Variants in COPG1 observed in about 807,000 individuals in gnomAD.
COPG1 encodes the protein coatomer subunit gamma-1.
In COPG1, 29 loss-of-function variants were observed where a neutral mutation model predicts 102.8. That is an observed-to-expected ratio of 0.28 (90% CI 0.21 to 0.38). The LOEUF is 0.38. Ranked by LOEUF, COPG1 falls within the 10% of genes least tolerant of loss-of-function variation. The probability of loss-of-function intolerance (pLI) is 1.00; values close to 1 mark genes in which losing one functional copy is unlikely to be tolerated. For missense variants in COPG1, 875 were observed against 1,132.7 expected (o/e 0.77, Z 3.27); for synonymous variants, 406 against 421.6 (o/e 0.96, Z 0.45).
rs1186036219 is a variant in COPG1 at position 129,256,130 on chromosome 3, A to G, written c.555A>G (p.Ala185=). 4 of 1,613,754 alleles carry G rather than the reference A, an allele frequency of 2.5e-6. No homozygotes were observed. In the Admixed American group the frequency reaches 6.7e-5, roughly 27 times the overall value. Residue 185 remains alanine (A), a synonymous_variant, in exon 8 of 24, where the codon GCA becomes GCG. Coordinates refer to ENST00000314797, the MANE Select transcript of COPG1 (RefSeq NM_016128.4). Reference sequence around the variant, plus strand: ...GGGTGAATGAGGCTCAGGAGGCAGCATCCAGTGATAACATCATGGTCCAGG... The same window carrying G: ...GGGTGAATGAGGCTCAGGAGGCAGCGTCCAGTGATAACATCATGGTCCAGG... The part of the protein sequence containing the change: ...KRWVNEAQEA[A]SSDNIMVQYH...
chr3:129,271,726 G>T lies in COPG1; in HGVS notation c.1844-41G>T, dbSNP rs1444644925. On this transcript the variant is annotated intron_variant, in intron 18 of 23. Transcript: ENST00000314797. This position sits in a 1 kb window ranked among gnomAD's most constrained non-coding sequence, Gnocchi z 4.7. ...TTAGAAACCATCAACAAGTTGGTCTGGGGATCGAGAAGCTGAGTGAATGTG... is the reference window on the plus strand; with the variant it reads ...TTAGAAACCATCAACAAGTTGGTCTTGGGATCGAGAAGCTGAGTGAATGTG... The T allele has an allele frequency of 6.2e-7, 1 of 1,609,396 alleles. No homozygotes were observed. The highest frequency in any genetic ancestry group is 1.3e-5 in the African/African-American group (1 of 74,852).
intron 2 of COPG1, 113 bp downstream of exon 2, chr3:129,250,847 GTGCCT>G: frequency 1.1e-5 from 9 of 832,742 alleles, no homozygotes; most frequent in Middle Eastern, 2.4e-4. Context: ...GAGAAAACTT[GTGCCT>G]GGAAGTTTTC....
intron 12 of COPG1, 66 bp downstream of exon 12, chr3:129,260,873 CCA>C: frequency 6.6e-7 from 1 of 1,519,176 alleles, no homozygotes; most frequent in Non-Finnish European, 9.0e-7. Flanking sequence ...CTCTCTGTGG[CCA>C]CAGCCTTCCT....
At chr3:129,256,240 G>A (rs1339589264) in intron 8 of COPG1, 86 bp downstream of exon 8, 1 of 1,100,190 alleles carries the variant, frequency 9.1e-7, no homozygotes, top group Non-Finnish European at 1.4e-6. Context: ...TTGCCACCGA[G>A]ATCCTTGTGA....
chr3:129,264,569 C>T (rs572956205), intron 13 of COPG1, among the ~76,000 whole-genome samples: 7 of 152,248 alleles, frequency 4.6e-5, no homozygotes, highest in African/African-American at 1.4e-4. Flanking sequence ...AGTGTCTTTG[C>T]GTTTCCCAAG....
intron 12 of COPG1, 27 bp downstream of exon 12, chr3:129,260,834 G>A (rs755403219): frequency 1.4e-5 from 22 of 1,606,162 alleles, no homozygotes; most frequent in South Asian, 1.1e-4. Flanking sequence ...GGACACCCAC[G>A]GCCCCCAGAG....
Position 129,271,795 on chromosome 3 carries a change from C to G in COPG1, c.1872C>G (p.Arg624=). The change falls in exon 19 of 24, where the codon CGC becomes CGG. Residue 624 remains arginine (R), a synonymous_variant. Coordinates refer to ENST00000314797, the MANE Select transcript of COPG1 (RefSeq NM_016128.4). The surrounding 1 kb of genome is among the most constrained non-coding windows in gnomAD (Gnocchi z 4.7). Reference sequence around the variant, plus strand: ...AGTTGGCAGCAGTGCCAGAGTTCCGCGGTCTTGGGCCCCTCTTCAAGTCCT... The same window carrying G: ...AGTTGGCAGCAGTGCCAGAGTTCCGGGGTCTTGGGCCCCTCTTCAAGTCCT... ...QEQLAAVPEF[R]GLGPLFKSSP... is the part of the protein sequence containing the mutation. 6.2e-7 allele frequency: 1 copy of G among 1,614,216 alleles called. No individual in the cohort carries two copies. Among genetic ancestry groups the G allele is most frequent in the South Asian group, 1.1e-5 (1 of 91,088 alleles).
rs1165143363 is a variant in COPG1 at position 129,256,151 on chromosome 3, C to G, written c.576C>G (p.Val192=). The change falls in exon 8 of 24, where the codon GTC becomes GTG. Residue 192 remains valine, a synonymous_variant. Coordinates refer to ENST00000314797, the MANE Select transcript of COPG1 (RefSeq NM_016128.4). ...CAGCATCCAGTGATAACATCATGGT[C>G]CAGGTGAGATGTGAGCAAGGGAGTG... ...QEAASSDNIM[V]QYHALGLLYH... 3 of 1,613,230 alleles carry G rather than the reference C, an allele frequency of 1.9e-6. No individual in the cohort carries two copies. The highest frequency in any genetic ancestry group is 2.5e-6 in the Non-Finnish European group (3 of 1,179,388).
chr3:129,255,297 G>C lies in COPG1; in HGVS notation c.492+220G>C, dbSNP rs149603700. 8.2e-3 allele frequency among the ~76,000 whole-genome samples: 1,246 copies of C among 151,754 alleles called. 7 individuals carry two copies. The highest frequency in any genetic ancestry group is 0.014 in the Middle Eastern group (4 of 292). On this transcript the variant is annotated intron_variant, in intron 7 of 23. Coordinates refer to ENST00000314797, the MANE Select transcript of COPG1 (RefSeq NM_016128.4). ...GGGTTCAAGTGATTTTCTTGCCTCA[G>C]CCTCTTGAGTAGCTGGGATTACAGG...
chr3:129,268,928 G>A lies in COPG1; in HGVS notation c.1775-4G>A, dbSNP rs1940125270. On this transcript the variant is annotated splice_polypyrimidine_tract_variant and splice_region_variant and intron_variant, in intron 17 of 23. Transcript: ENST00000314797. Reference sequence around the variant, plus strand: ...GTCATCACGTGTATAATTTGCTCCTGCAGAAAGTACCCCCATCACAGCAGT... The same window carrying A: ...GTCATCACGTGTATAATTTGCTCCTACAGAAAGTACCCCCATCACAGCAGT... 1.2e-5 allele frequency: 20 copies of A among 1,613,856 alleles called. No homozygotes were observed. Among genetic ancestry groups the A allele is most frequent in the Non-Finnish European group, 1.7e-5 (20 of 1,179,898 alleles).
chr3:129,252,436 CT>C, intron 3 of COPG1, 75 bp downstream of exon 3: 1 of 1,188,528 alleles, frequency 8.4e-7, no homozygotes, highest in Non-Finnish European at 1.3e-6. Flanking sequence ...CATGATCACT[CT>C]TAGGCTATTG....
In COPG1 at chr3:129,252,655, G is replaced by A; in HGVS notation, c.204G>A (p.Glu68=). The change falls in exon 4 of 24, where the codon GAG becomes GAA. Residue 68 remains glutamate, a synonymous_variant. Coordinates refer to ENST00000314797, the MANE Select transcript of COPG1 (RefSeq NM_016128.4). ...ACCTGGGGACCACGGAAGCGACCGA[G>A]GCCTTCTTTGCCATGACCAAGCTCT... ...GEHLGTTEAT[E]AFFAMTKLFQ... 6.2e-7 allele frequency: 1 copy of A among 1,614,164 alleles called. No individual in the cohort carries two copies.
In COPG1 at chr3:129,257,631, A is replaced by T; in HGVS notation, c.737+4A>T. ...AGCTGGAAGAGGAGGATGGCAGGTAACGGCTCTCATCTCTCACCAGCTAGA... is the reference window on the plus strand; with the variant it reads ...AGCTGGAAGAGGAGGATGGCAGGTATCGGCTCTCATCTCTCACCAGCTAGA... On this transcript the variant is annotated splice_donor_region_variant and intron_variant, in intron 9 of 23. Transcript: ENST00000314797. 1.2e-6 allele frequency: 2 copies of T among 1,614,212 alleles called. No homozygotes were observed. The highest frequency in any genetic ancestry group is 1.7e-6 in the Non-Finnish European group (2 of 1,180,022).
chr3:129,273,570 G>T (rs996919229), intron 21 of COPG1, among the ~76,000 whole-genome samples: 2 of 152,148 alleles, frequency 1.3e-5, no homozygotes, highest in African/African-American at 2.4e-5. Flanking sequence ...TTTTTTAGTG[G>T]ATTTAAAATA....
intron 9 of COPG1, 28 bp downstream of exon 9, chr3:129,257,655 G>A (rs1441588616): frequency 1.9e-6 from 3 of 1,614,126 alleles, no homozygotes; most frequent in Non-Finnish European, 2.5e-6. Flanking sequence ...TCACCAGCTA[G>A]ATGATGCCTC....
intron 16 of COPG1, 74 bp from the exon 17 acceptor site, chr3:129,268,421 C>T: frequency 1.3e-6 from 2 of 1,545,732 alleles, no homozygotes; most frequent in Non-Finnish European, 1.8e-6. Flanking sequence ...TTCGGGACCC[C>T]AGGGCCTCCA....
Position 129,260,389 on chromosome 3 carries a change from AC to A in COPG1, c.931del (p.Leu311SerfsTer6). On this transcript the variant is annotated frameshift_variant, in exon 11 of 24. Transcript: ENST00000314797. LOFTEE classifies it high-confidence loss of function. ...KAALRYAAVR[T>X]LNKVAMKHPS... The stretch of plus-strand genomic sequence containing the variant: ...TGCTCTCCGCTATGCTGCTGTTCGT[AC>A]CCTCAATAAGGTAAGAGTCCAGCTT... 6.8e-6 allele frequency: 11 copies of A among 1,614,022 alleles called. No homozygotes were observed. Among genetic ancestry groups the A allele is most frequent in the Non-Finnish European group, 9.3e-6 (11 of 1,179,960 alleles).
At position 129,275,135 on chromosome 3, in the gene COPG1, T is replaced by A; in HGVS notation, c.2396-59T>A. 1 of 1,526,538 alleles carries A rather than the reference T, an allele frequency of 6.6e-7. No homozygotes were observed. The highest frequency in any genetic ancestry group is 9.1e-7 in the Non-Finnish European group (1 of 1,102,646). 94.6% of individuals were successfully genotyped at this position (1,526,538 alleles called of 1,614,324 possible). A position where few individuals can be genotyped will look rare whatever the true frequency, so the allele number is the denominator to read the frequency against. ...AAAAGCCCTTCAGAACATGGGGGAG[T>A]GGTGGTGGCACAAAGGGCAGATAAG... is the stretch of plus-strand genomic sequence containing the variant. On this transcript the variant is annotated intron_variant, in intron 22 of 23. Transcript: ENST00000314797. This position sits in a 1 kb window ranked among gnomAD's most constrained non-coding sequence, Gnocchi z 5.0.
chr3:129,267,397 G>A lies in COPG1; in HGVS notation c.1544+298G>A, dbSNP rs190691059. ...AGCACTTTGGGAGGCCAAGGCGGGC[G>A]GATCACAAGGTCAGGAGATTGAGAC... On this transcript the variant is annotated intron_variant, in intron 15 of 23. Coordinates refer to ENST00000314797, the MANE Select transcript of COPG1 (RefSeq NM_016128.4). Among the ~76,000 whole-genome samples, 536 of 152,222 alleles carry A rather than the reference G, an allele frequency of 3.5e-3. 1 individual carries two copies. The highest frequency in any genetic ancestry group is 6.0e-3 in the Non-Finnish European group (405 of 67,996).
Sources: allele counts gnomAD v4.1 joint callset (sites outside exome capture counted in the v4.1 genomes callset), GRCh38; gene constraint gnomAD v4.1.1; non-coding constraint Gnocchi (gnomAD v3.1); transcripts MANE v1.5; gene names NCBI Gene and HGNC (gene_info 2026-07-23, HGNC 2026-07-21).